KIFC3: variants seen among roughly 807,000 people sequenced by gnomAD.
KIFC3 encodes the protein kinesin-like protein KIFC3.
A neutral mutation model predicts 101.8 loss-of-function variants in KIFC3; 60 were observed. That is an observed-to-expected ratio of 0.59 (90% CI 0.48 to 0.73). KIFC3 has a LOEUF of 0.73. Ranked by LOEUF, KIFC3 falls within the 30% of genes least tolerant of loss-of-function variation. The pLI is 0.00. For synonymous variants in KIFC3, 476 were observed against 482.7 expected, an observed-to-expected ratio of 0.99 and a Z score of 0.18; for missense variants, 966 against 1,137.1, an observed-to-expected ratio of 0.85 and a Z score of 2.16.
At chr16:57,819,357 C>G (rs1247611702) in intron 1 of KIFC3, among the ~76,000 whole-genome samples, 1 of 152,020 alleles carries the variant, frequency 6.6e-6, no homozygotes, top group African/African-American at 2.4e-5. Context: ...GTAGTGCTAG[C>G]TACCTGGGAG....
upstream of KIFC3, among the ~76,000 whole-genome samples, chr16:57,805,673 C>A (rs747804780): frequency 5.1e-5 from 5 of 97,994 alleles, no homozygotes; most frequent in Non-Finnish European, 8.8e-5. Flanking sequence ...TGCCCATAGA[C>A]TTTTTTTTTT....
chr16:57,778,749 G>A (rs2052402332), intron 3 of KIFC3, among the ~76,000 whole-genome samples: 1 of 152,094 alleles, frequency 6.6e-6, no homozygotes, highest in Non-Finnish European at 1.5e-5. Flanking sequence ...TAGGATGGCT[G>A]TTACAAAAAT....
chr16:57,807,950 A>AAC (rs2054978249), upstream of KIFC3: 1 of 145,226 alleles, frequency 6.9e-6, no homozygotes, highest in Non-Finnish European at 1.5e-5. Flanking sequence ...AAAAAAAAAA[A>AAC]AAAAAAAAAC....
chr16:57,764,275 T>TGGGGGGTTGGGGGGG, intron 11 of KIFC3, 28 bp from the exon 12 acceptor site: 2 of 539,934 alleles, frequency 3.7e-6, no homozygotes, highest in East Asian at 4.6e-5. Flanking sequence ...GGGAGGCTGG[T>TGGGGGGTTGGGGGGG]GGGGGGGCTT....
At chr16:57,822,019 T>A (rs2149278265) in intron 1 of KIFC3, among the ~76,000 whole-genome samples, 1 of 152,246 alleles carries the variant, frequency 6.6e-6, no homozygotes, top group Middle Eastern at 3.4e-3. Flanking sequence ...AAGGCTGCAG[T>A]GAGCTGTGAT....
At chr16:57,848,274 A>T (rs1157183442) in intron 1 of KIFC3, among the ~76,000 whole-genome samples, 1 of 152,174 alleles carries the variant, frequency 6.6e-6, no homozygotes, top group Non-Finnish European at 1.5e-5. Flanking sequence ...GATCAAGCAA[A>T]CAGAGAGTGG....
At chr16:57,793,257 A>C (rs1555621050) in intron 3 of KIFC3, among the ~76,000 whole-genome samples, 1 of 149,956 alleles carries the variant, frequency 6.7e-6, no homozygotes, top group Non-Finnish European at 1.5e-5. Context: ...CTGCACTCCA[A>C]CCTGGGCAAC....
At chr16:57,795,549 A>G (rs1555622397) in intron 2 of KIFC3, among the ~76,000 whole-genome samples, 5 of 152,142 alleles carry the variant, frequency 3.3e-5, no homozygotes, top group African/African-American at 4.8e-5. Context: ...CTAGGTGGCA[A>G]TTTCTTCCCT....
At chr16:57,767,101 C>A in intron 9 of KIFC3, 116 bp from the exon 10 acceptor site, 2 of 732,550 alleles carry the variant, frequency 2.7e-6, no homozygotes, top group East Asian at 5.0e-5. Flanking sequence ...ACCTGACACA[C>A]GCTGTCACAT....
intron 1 of KIFC3, among the ~76,000 whole-genome samples, chr16:57,820,468 C>A (rs2055326247): frequency 6.6e-6 from 1 of 151,850 alleles, no homozygotes; most frequent in Non-Finnish European, 1.5e-5. Flanking sequence ...AGAGATGAGG[C>A]CTCACTGTGT....
chr16:57,853,658 G>A (rs2056103710), intron 1 of KIFC3, among the ~76,000 whole-genome samples: 1 of 152,008 alleles, frequency 6.6e-6, no homozygotes, highest in Non-Finnish European at 1.5e-5. Flanking sequence ...TTGAGACAAA[G>A]TCTCGCTCTG....
chr16:57,827,192 G>A (rs1389145679), intron 1 of KIFC3, among the ~76,000 whole-genome samples: 4 of 152,266 alleles, frequency 2.6e-5, no homozygotes, highest in Admixed American at 6.5e-5. Context: ...AAGCAGAGCC[G>A]TGAACAGCCT....
At chr16:57,802,751 T>C, upstream of KIFC3, 1 of 746,360 alleles carries the variant, frequency 1.3e-6, no homozygotes, top group Non-Finnish European at 2.2e-6. This position sits in a 1 kb window ranked among gnomAD's most constrained non-coding sequence, Gnocchi z 5.0. Flanking sequence ...ATGCGTTCCC[T>C]GAAGGCTCTC....
chr16:57,788,660 C>T, intron 3 of KIFC3: 1 of 1,289,628 alleles, frequency 7.8e-7, no homozygotes, highest in South Asian at 1.2e-5. Flanking sequence ...TCCAAAGCTT[C>T]TCTTCTTTCG....
chr16:57,768,434 A>T (rs1555604641), intron 9 of KIFC3, among the ~76,000 whole-genome samples: 1 of 151,542 alleles, frequency 6.6e-6, no homozygotes, highest in Non-Finnish European at 1.5e-5. Flanking sequence ...ATTTTTTTCA[A>T]CTATTTTTGA....
In KIFC3 at chr16:57,760,362, C is replaced by T; in HGVS notation, c.2287G>A (p.Glu763Lys). The T allele has an allele frequency of 6.2e-7, 1 of 1,614,002 alleles. No homozygotes were observed. The highest frequency in any genetic ancestry group is 2.2e-5 in the East Asian group (1 of 44,886). ...SETLYSLKFAERVRSVELGPG... is the reference protein window; with the variant it reads ...SETLYSLKFAKRVRSVELGPG... ...CCCAGCTCCACAGAGCGCACCCTCTCAGCAAACTTGAGGGAATAGAGCGTC... is the reference window on the plus strand; with the variant it reads ...CCCAGCTCCACAGAGCGCACCCTCTTAGCAAACTTGAGGGAATAGAGCGTC... The change falls in exon 17 of 20, where the codon GAG (glutamate) becomes AAG (lysine). Residue 763 changes from glutamate to lysine, a missense_variant. Glu to Lys is a moderately conservative substitution (Grantham distance 56). Transcript: ENST00000445690.
rs1555589697 is a variant in KIFC3, at chr16:57,758,266, C to T, written c.*668G>A. 5 of 232,118 alleles carry T rather than the reference C, an allele frequency of 2.2e-5. No individual in the cohort carries two copies. The highest frequency in any genetic ancestry group is 4.3e-5 in the Non-Finnish European group (5 of 115,094). 14.4% of individuals were successfully genotyped at this position (232,118 alleles called of 1,614,324 possible). Reference sequence around the variant, plus strand: ...TTAATAAGTAAAAATGGCTAAGCTTCCAAAAGTTCTTAAATAGGATTTCAG... The same window carrying T: ...TTAATAAGTAAAAATGGCTAAGCTTTCAAAAGTTCTTAAATAGGATTTCAG... On this transcript the variant is annotated 3_prime_UTR_variant, in exon 20 of 20. Coordinates refer to ENST00000445690, the MANE Select transcript of KIFC3 (RefSeq NM_001130100.2).
exon 1 of KIFC3, chr16:57,862,849 A>G: frequency 1.6e-6 from 2 of 1,243,582 alleles, no homozygotes; most frequent in South Asian, 2.5e-5. Flanking sequence ...TCCGAGCAAT[A>G]CGTTTTACTG....
At chr16:57,759,408 G>T in intron 18 of KIFC3, 1 of 596,110 alleles carries the variant, frequency 1.7e-6, no homozygotes, top group Non-Finnish European at 3.0e-6. Context: ...CTGCTCTGGA[G>T]GGGGCTTACT....
Sources: gnomAD v4.1 joint callset for allele counts (sites outside exome capture counted in the v4.1 genomes callset) on GRCh38, gnomAD v4.1.1 for gene constraint, Gnocchi (gnomAD v3.1) non-coding constraint, MANE v1.5 for transcripts, NCBI Gene and HGNC (gene_info 2026-07-23, HGNC 2026-07-21) for gene names.